Variants in DNAH1 observed in about 807,000 individuals in gnomAD.
DNAH1 encodes the protein axonemal beta dynein heavy chain 1.
A neutral mutation model predicts 484.3 loss-of-function variants in DNAH1; 327 were observed. The ratio of observed to expected loss-of-function variants is 0.68; its 90% CI spans 0.62 to 0.74. The LOEUF is 0.74. Ranked by LOEUF, DNAH1 falls within the 30% of genes least tolerant of loss-of-function variation. The probability of loss-of-function intolerance (pLI) is 0.00; values close to 1 mark genes in which losing one functional copy is unlikely to be tolerated. For missense variants in DNAH1, 5,052 were observed against 5,546.8 expected, an observed-to-expected ratio of 0.91 and a Z score of 2.83; for synonymous variants, 2,192 against 2,191.9, an observed-to-expected ratio of 1.00 and a Z score of 0.00.
chr3:52,324,079 C>G (rs1679454053), intron 3 of DNAH1, among the ~76,000 whole-genome samples, 199 bp downstream of exon 3: 1 of 152,160 alleles, frequency 6.6e-6, no homozygotes, highest in African/African-American at 2.4e-5. Flanking sequence ...AGTCATTACT[C>G]TTAGTGGAGC....
intron 7 of DNAH1, among the ~76,000 whole-genome samples, chr3:52,331,632 T>C (rs1195419261): frequency 6.8e-6 from 1 of 147,386 alleles, no homozygotes; most frequent in Non-Finnish European, 1.5e-5. Flanking sequence ...TTTTTTTTTT[T>C]TTTTTTTTTT....
chr3:52,370,025 T>C lies in DNAH1; in HGVS notation c.6138+6T>C. 6.2e-7 allele frequency: 1 copy of C among 1,612,540 alleles called. No individual in the cohort carries two copies. The highest frequency in any genetic ancestry group is 1.1e-5 in the South Asian group (1 of 91,056). On this transcript the variant is annotated splice_donor_region_variant and intron_variant, in intron 38 of 77. Coordinates refer to ENST00000420323, the MANE Select transcript of DNAH1 (RefSeq NM_015512.5). ...TCTTTGTCAGCTTCCTGGAGGTGAG[T>C]GAGGCCACGGGTATGTCTGACCCTG...
chr3:52,330,863 C>G (rs544504440), intron 6 of DNAH1, among the ~76,000 whole-genome samples: 1 of 152,234 alleles, frequency 6.6e-6, no homozygotes, highest in Non-Finnish European at 1.5e-5. Flanking sequence ...TCCCAGCCTC[C>G]CATTGGCCTG....
chr3:52,356,244 A>G (rs1025300743), intron 21 of DNAH1, among the ~76,000 whole-genome samples: 7 of 152,178 alleles, frequency 4.6e-5, no homozygotes, highest in African/African-American at 7.2e-5. Context: ...GGGGTCATGG[A>G]CCCAGAAGTC....
rs757170644 is a variant in DNAH1 at position 52,345,530 on chromosome 3, CAGA to C, written c.1483_1485del (p.Lys495del). On this transcript the variant is annotated inframe_deletion, in exon 10 of 78. Coordinates refer to ENST00000420323, the MANE Select transcript of DNAH1 (RefSeq NM_015512.5). ...TGTCCCCAAGTACCACTTCTGGGAG[CAGA>C]AGGAGGACTTCACTTTCGTGTCCCT... 7 of 1,578,308 alleles carry C rather than the reference CAGA, an allele frequency of 4.4e-6. No individual in the cohort carries two copies. The South Asian group carries it at 5.8e-5, about 13-fold the overall frequency.
In DNAH1 at chr3:52,357,631, C is replaced by T. The variant is rs775882696; in HGVS notation, c.3876C>T (p.Ser1292=). ...YENREVINVC[S]DLRMLDSLRD... Reference sequence around the variant, plus strand: ...CCCTGCAGGTGATCAATGTGTGTTCCGACCTGAGAATGCTGGACAGCCTGC... The same window carrying T: ...CCCTGCAGGTGATCAATGTGTGTTCTGACCTGAGAATGCTGGACAGCCTGC... The change falls in exon 23 of 78, where the codon TCC becomes TCT. Residue 1292 remains serine (S), a synonymous_variant. Coordinates refer to ENST00000420323, the MANE Select transcript of DNAH1 (RefSeq NM_015512.5). The T allele has an allele frequency of 1.4e-5, 23 of 1,600,528 alleles. No individual in the cohort carries two copies. The highest frequency in any genetic ancestry group is 4.0e-5 in the African/African-American group (3 of 74,692).
chr3:52,351,498 T>G (rs1276782310), intron 16 of DNAH1, among the ~76,000 whole-genome samples: 1 of 152,140 alleles, frequency 6.6e-6, no homozygotes, highest in African/African-American at 2.4e-5. Context: ...CAGCTGCAGG[T>G]GGAAGCCCCA....
intron 20 of DNAH1, among the ~76,000 whole-genome samples, chr3:52,354,634 GAA>G (rs551410758): frequency 1.7e-5 from 2 of 114,422 alleles, no homozygotes. Flanking sequence ...CTCCACCTCA[GAA>G]AAAAAAAAAA....
intron 34 of DNAH1, 26 bp from the exon 35 acceptor site, chr3:52,366,431 C>G (rs1172387685): frequency 6.4e-7 from 1 of 1,565,866 alleles, no homozygotes; most frequent in Admixed American, 1.9e-5. Flanking sequence ...TGCTCTGACC[C>G]TTGGGCCCCA....
chr3:52,343,221 A>C (rs992794404), intron 8 of DNAH1, among the ~76,000 whole-genome samples: 2 of 152,100 alleles, frequency 1.3e-5, no homozygotes, highest in Non-Finnish European at 2.9e-5. Context: ...AAACACAAAG[A>C]GATAAAGTCA....
Position 52,400,412 on chromosome 3 carries a change from G to C in DNAH1, c.12764G>C (p.Arg4255Pro). 4 of 1,614,060 alleles carry C rather than the reference G, an allele frequency of 2.5e-6. No individual in the cohort carries two copies. Among genetic ancestry groups the C allele is most frequent in the Non-Finnish European group, 3.4e-6 (4 of 1,179,900 alleles). Residue 4255 changes from arginine (R) to proline (P), a missense_variant, in exon 78 of 78, where the codon CGT becomes CCT. By Grantham distance (103) the Arg-to-Pro change is moderately radical. Coordinates refer to ENST00000420323, the MANE Select transcript of DNAH1 (RefSeq NM_015512.5). Reference protein sequence around the residue: ...THQPQRHWIKRGVALICALDY With the variant: ...THQPQRHWIKPGVALICALDY ...CAGCCCCAGCGACACTGGATAAAGC[G>C]TGGTGTGGCCCTCATCTGTGCCCTG...
rs1333620399 is a variant in DNAH1, at chr3:52,361,101, C to T, written c.4686-63C>T. On this transcript the variant is annotated intron_variant, in intron 28 of 77. Transcript: ENST00000420323. The surrounding 1 kb of genome is among the most constrained non-coding windows in gnomAD (Gnocchi z 5.6). ...GAGAGGCCCCAGTCCACAGGAAATTCCAAGGAAAGGGGGAGTGTCCAGGCC... is the reference window on the plus strand; with the variant it reads ...GAGAGGCCCCAGTCCACAGGAAATTTCAAGGAAAGGGGGAGTGTCCAGGCC... The T allele has an allele frequency of 2.2e-6, 3 of 1,373,278 alleles. No individual in the cohort carries two copies. Among genetic ancestry groups the T allele is most frequent in the Admixed American group, 3.3e-5 (1 of 30,118 alleles). 85.1% of individuals were successfully genotyped at this position (1,373,278 alleles called of 1,614,324 possible).
chr3:52,343,632 G>A (rs921286832), intron 8 of DNAH1, among the ~76,000 whole-genome samples: 2 of 152,162 alleles, frequency 1.3e-5, no homozygotes, highest in Non-Finnish European at 2.9e-5. Flanking sequence ...CAGCTCTGGT[G>A]CAAGTGTGGG....
chr3:52,377,466 T>C (rs1703652510), intron 46 of DNAH1, among the ~76,000 whole-genome samples: 1 of 151,658 alleles, frequency 6.6e-6, no homozygotes, highest in Non-Finnish European at 1.5e-5. Context: ...AGGTCTATCT[T>C]CCGCTTGGGG....
At chr3:52,341,677 A>C (rs529219625) in intron 8 of DNAH1, among the ~76,000 whole-genome samples, 1 of 152,012 alleles carries the variant, frequency 6.6e-6, no homozygotes, top group South Asian at 2.1e-4. Flanking sequence ...GTGTTCCCAC[A>C]CCTAAACCAA....
Position 52,393,388 on chromosome 3 carries a change from A to T in DNAH1, c.10529A>T (p.Tyr3510Phe), listed in dbSNP as rs201462141. The T allele has an allele frequency of 6.2e-7, 1 of 1,613,886 alleles. No individual in the cohort carries two copies. Among genetic ancestry groups the T allele is most frequent in the South Asian group, 1.1e-5 (1 of 91,086 alleles). ...NINRYLTYSL[Y>F]SNVCRSLFEK... Reference sequence around the variant, plus strand: ...AACCGCTACCTGACCTACAGCCTCTACAGCAACGTCTGCCGCAGCCTCTTT... The same window carrying T: ...AACCGCTACCTGACCTACAGCCTCTTCAGCAACGTCTGCCGCAGCCTCTTT... Residue 3510 changes from tyrosine (Y) to phenylalanine (F), a missense_variant, in exon 66 of 78, where the codon TAC becomes TTC. By Grantham distance (22) the Tyr-to-Phe change is conservative. Coordinates refer to ENST00000420323, the MANE Select transcript of DNAH1 (RefSeq NM_015512.5).
chr3:52,328,081 G>C, intron 6 of DNAH1, 67 bp downstream of exon 6: 1 of 1,581,784 alleles, frequency 6.3e-7, no homozygotes, highest in African/African-American at 1.3e-5. Context: ...ACAGACTCCT[G>C]GGCTCCCCTG....
Position 52,396,623 on chromosome 3 carries a change from G to A in DNAH1, c.11436G>A (p.Met3812Ile), listed in dbSNP as rs528400726. The change falls in exon 72 of 78, where the codon ATG becomes ATA. Residue 3812 changes from methionine to isoleucine, a missense_variant. By Grantham distance (10) the Met-to-Ile change is conservative. Around this residue, in one of 4 missense-constraint regions of DNAH1, gnomAD observed 853 missense variants for 899.0 expected, o/e 0.95. Transcript: ENST00000420323. Reference protein sequence around the residue: ...EDFLNSCHKVMEFKSLLLSLC... With the variant: ...EDFLNSCHKVIEFKSLLLSLC... The stretch of plus-strand genomic sequence containing the variant: ...CTGCCTCCCACCTCCCCCAGGTGAT[G>A]GAGTTCAAGTCTCTGCTGCTGTCTC... The A allele has an allele frequency of 6.2e-7, 1 of 1,612,162 alleles. No homozygotes were observed. Among genetic ancestry groups the A allele is most frequent in the African/African-American group, 1.3e-5 (1 of 74,982 alleles).
intron 34 of DNAH1, among the ~76,000 whole-genome samples, chr3:52,365,474 G>A (rs1336211174): frequency 1.3e-5 from 2 of 152,224 alleles, no homozygotes; most frequent in Non-Finnish European, 2.9e-5. Flanking sequence ...GCGTCACTGC[G>A]CTAAAGAAAG....
Sources: allele counts gnomAD v4.1 joint callset (sites outside exome capture counted in the v4.1 genomes callset), GRCh38; gene constraint gnomAD v4.1.1; regional missense constraint gnomAD v4.1.1; non-coding constraint Gnocchi (gnomAD v3.1); transcripts MANE v1.5; gene names NCBI Gene and HGNC (gene_info 2026-07-23, HGNC 2026-07-21).